NPTX1: variants seen among roughly 807,000 people sequenced by gnomAD.
The protein encoded by NPTX1 is neuronal pentraxin-1.
In NPTX1, 12 loss-of-function variants were observed where a neutral mutation model predicts 38.7. The observed-to-expected ratio is 0.31, with a 90% CI of 0.20 to 0.50. The LOEUF (loss-of-function observed/expected upper bound fraction) is 0.50, where lower values mean the gene tolerates loss of function less well. Among genes scored for constraint, NPTX1 ranks in the 20% least tolerant of loss-of-function variants. The probability of loss-of-function intolerance (pLI) is 0.98; values close to 1 mark genes in which losing one functional copy is unlikely to be tolerated. For missense variants in NPTX1, 454 were observed against 592.2 expected, an observed-to-expected ratio of 0.77 and a Z score of 2.42; for synonymous variants, 272 against 264.9, an observed-to-expected ratio of 1.03 and a Z score of -0.26.
intron 3 of NPTX1, among the ~76,000 whole-genome samples, chr17:80,472,422 C>T (rs2083847445): frequency 6.6e-6 from 1 of 152,218 alleles, no homozygotes; most frequent in Non-Finnish European, 1.5e-5. Context: ...TTTTAAAGCT[C>T]AGACCAGCCT....
intron 3 of NPTX1, among the ~76,000 whole-genome samples, chr17:80,472,877 A>C (rs2083849861): frequency 6.6e-6 from 1 of 152,188 alleles, no homozygotes; most frequent in African/African-American, 2.4e-5. Context: ...GGGCAAAGCC[A>C]GTTCCAAGGC....
intron 2 of NPTX1, chr17:80,474,492 CA>C (rs35943506): frequency 0.11 from 16,676 of 152,542 alleles, 1,199 homozygotes; most frequent in East Asian, 0.28. Context: ...GCCCGGTCAG[CA>C]ACCACCCCCT....
chr17:80,470,329 C>T lies in NPTX1; in HGVS notation c.*484G>A, dbSNP rs1490977617. On this transcript the variant is annotated 3_prime_UTR_variant, in exon 5 of 5. Coordinates refer to ENST00000306773, the MANE Select transcript of NPTX1 (RefSeq NM_002522.4). ...AAAGGTTTGCAAACAAAGACAAATG[C>T]GTGTACTGAGGTTGCACCAACCCCA... is the stretch of plus-strand genomic sequence containing the variant. The T allele has an allele frequency of 6.5e-6, 1 of 153,018 alleles. No homozygotes were observed. 9.5% of individuals were successfully genotyped at this position (153,018 alleles called of 1,614,324 possible).
rs2143044344 is a variant in NPTX1, at chr17:80,473,272, C to T, written c.825G>A (p.Val275=). 6.2e-7 allele frequency: 1 copy of T among 1,613,880 alleles called. No homozygotes were observed. The highest frequency in any genetic ancestry group is 2.2e-5 in the East Asian group (1 of 44,880). The change falls in exon 3 of 5, where the codon GTG becomes GTA. Residue 275 remains valine (V), a synonymous_variant. Transcript: ENST00000306773. ...GGACCAGCTCGTTGGCCTGGCCGGG[C>T]ACAGCGTAGGAGAAGGGCGTGCCCA... ...PGVGTPFSYA[V]PGQANELVLI... is the part of the protein sequence containing the mutation.
rs113144778 is a variant in NPTX1 at position 80,471,167 on chromosome 17, C to T, written c.1078-133G>A. ...TCACGGACACTCCTAGGTGCCGTTT[C>T]GTCTCCCTGTCCCTGACTCTCCAGC... On this transcript the variant is annotated intron_variant, in intron 4 of 4. Coordinates refer to ENST00000306773, the MANE Select transcript of NPTX1 (RefSeq NM_002522.4). 3.0e-3 allele frequency: 2,040 copies of T among 669,030 alleles called. 36 individuals carry two copies. The African/African-American group carries it at 0.033, about 11-fold the overall frequency. 41.4% of individuals were successfully genotyped at this position (669,030 alleles called of 1,614,324 possible).
Position 80,476,273 on chromosome 17 carries a change from C to T in NPTX1, c.174G>A (p.Val58=). ...GCAGCACCGTCTCGCGGAGCTGCAGCACGCTGCTCCGGAGCTCCTCGGCGC... is the reference window on the plus strand; with the variant it reads ...GCAGCACCGTCTCGCGGAGCTGCAGTACGCTGCTCCGGAGCTCCTCGGCGC... ...AGGAEELRSS[V]LQLRETVLQQ... The change falls in exon 1 of 5, where the codon GTG becomes GTA. Residue 58 remains valine, a synonymous_variant. Transcript: ENST00000306773. This position sits in a 1 kb window ranked among gnomAD's most constrained non-coding sequence, Gnocchi z 6.3. 1 of 1,555,648 alleles carries T rather than the reference C, an allele frequency of 6.4e-7. No homozygotes were observed.
rs1957800723 is a variant in NPTX1 at position 80,476,338 on chromosome 17, C to T, written c.109G>A (p.Val37Met). Reference sequence around the variant, plus strand: ...GACGCGGCGCACATGTCGGCGTCCACGGGCACCGAGGTGCAGATGAAGCGC... The same window carrying T: ...GACGCGGCGCACATGTCGGCGTCCATGGGCACCGAGGTGCAGATGAAGCGC... ...PTRFICTSVP[V>M]DADMCAASVA... is the part of the protein sequence containing the mutation. Residue 37 changes from valine (V) to methionine (M), a missense_variant, in exon 1 of 5, where the codon GTG becomes ATG. Coordinates refer to ENST00000306773, the MANE Select transcript of NPTX1 (RefSeq NM_002522.4). This position sits in a 1 kb window ranked among gnomAD's most constrained non-coding sequence, Gnocchi z 6.3. 10 of 1,538,902 alleles carry T rather than the reference C, an allele frequency of 6.5e-6. No homozygotes were observed. The highest frequency in any genetic ancestry group is 7.8e-6 in the Non-Finnish European group (9 of 1,148,632).
rs564184523 is a variant in NPTX1 at position 80,467,552 on chromosome 17, A to G, written c.*3261T>C. The stretch of plus-strand genomic sequence containing the variant: ...CCCCTCTTTGGAGCTCACTGGAATG[A>G]CTGAACCTCATGCCAGCCTCTCCTC... On this transcript the variant is annotated 3_prime_UTR_variant, in exon 5 of 5. Transcript: ENST00000306773. 52 of 152,602 alleles carry G rather than the reference A, an allele frequency of 3.4e-4. No homozygotes were observed. Among genetic ancestry groups the G allele is most frequent in the African/African-American group, 1.1e-3 (47 of 41,550 alleles). 9.5% of individuals were successfully genotyped at this position (152,602 alleles called of 1,614,324 possible).
intron 4 of NPTX1, 119 bp from the exon 5 acceptor site, chr17:80,471,153 C>T: frequency 1.4e-6 from 1 of 715,160 alleles, no homozygotes; most frequent in East Asian, 2.8e-5. Flanking sequence ...CACGGACACT[C>T]CTAGGTGCCG....
rs2083872948 is a variant in NPTX1, at chr17:80,475,363, G to A, written c.652+148C>T. The A allele has an allele frequency of 3.2e-6, 2 of 624,638 alleles. No homozygotes were observed. The highest frequency in any genetic ancestry group is 4.1e-5 in the South Asian group (2 of 48,550). The allele number at this position is 624,638 out of a possible 1,614,324, so 38.7% of individuals were successfully genotyped here. A position where few individuals can be genotyped will look rare whatever the true frequency, so the allele number is the denominator to read the frequency against. ...AAGCCCAGAACCTGGGAAGGGGTGC[G>A]GGGAATGAGAAAGCGGTGCAGGGGT... On this transcript the variant is annotated intron_variant, in intron 2 of 4. Transcript: ENST00000306773. This position sits in a 1 kb window ranked among gnomAD's most constrained non-coding sequence, Gnocchi z 6.5.
At chr17:80,474,262 G>C (rs1246450973) in intron 2 of NPTX1, 1 of 152,274 alleles carries the variant, frequency 6.6e-6, no homozygotes, top group African/African-American at 2.4e-5. Flanking sequence ...TCTCCCGTAA[G>C]CGCCAACCCC....
At position 80,476,339 on chromosome 17, in the gene NPTX1, G is replaced by C. The variant is rs199761592; in HGVS notation, c.108C>G (p.Pro36=). The C allele has an allele frequency of 4.2e-4, 639 of 1,537,906 alleles. 4 individuals are homozygous for C. The African/African-American group carries it at 7.9e-3, about 19-fold the overall frequency. Residue 36 remains proline (P), a synonymous_variant, in exon 1 of 5, where the codon CCC becomes CCG. Coordinates refer to ENST00000306773, the MANE Select transcript of NPTX1 (RefSeq NM_002522.4). The surrounding 1 kb of genome is among the most constrained non-coding windows in gnomAD (Gnocchi z 6.3). ...GPTRFICTSV[P]VDADMCAASV... ...ACGCGGCGCACATGTCGGCGTCCAC[G>C]GGCACCGAGGTGCAGATGAAGCGCG... is the stretch of plus-strand genomic sequence containing the variant.
In NPTX1 at chr17:80,471,413, T is replaced by A. The variant is rs1273464511; in HGVS notation, c.1077+319A>T. On this transcript the variant is annotated intron_variant, in intron 4 of 4. Coordinates refer to ENST00000306773, the MANE Select transcript of NPTX1 (RefSeq NM_002522.4). ...ACAGACGTCCCCGATTCTCCATCCCTTCGTCTTCCTCCCAGGTGCCCAACA... is the reference window on the plus strand; with the variant it reads ...ACAGACGTCCCCGATTCTCCATCCCATCGTCTTCCTCCCAGGTGCCCAACA... Among the ~76,000 whole-genome samples the A allele has an allele frequency of 2.0e-5, 3 of 152,214 alleles. No individual in the cohort carries two copies. The East Asian group carries it at 5.8e-4, about 29-fold the overall frequency.
At chr17:80,472,330 A>G (rs2083846996) in intron 3 of NPTX1, among the ~76,000 whole-genome samples, 1 of 152,072 alleles carries the variant, frequency 6.6e-6, no homozygotes. Flanking sequence ...CCGATGTCCC[A>G]TCTCTAGCTG....
intron 2 of NPTX1, 163 bp from the exon 3 acceptor site, chr17:80,473,607 C>G: frequency 1.5e-6 from 1 of 689,442 alleles, no homozygotes. Flanking sequence ...GTACTTTGCC[C>G]CAAGGCACAG....
Position 80,470,574 on chromosome 17 carries a change from A to C in NPTX1, c.*239T>G. 1.4e-5 allele frequency: 6 copies of C among 419,886 alleles called. No homozygotes were observed. The highest frequency in any genetic ancestry group is 8.0e-5 in the East Asian group (2 of 25,140). The allele number at this position is 419,886 out of a possible 1,614,324, so 26.0% of individuals were successfully genotyped here. A position where few individuals can be genotyped will look rare whatever the true frequency, so the allele number is the denominator to read the frequency against. On this transcript the variant is annotated 3_prime_UTR_variant, in exon 5 of 5. Coordinates refer to ENST00000306773, the MANE Select transcript of NPTX1 (RefSeq NM_002522.4). ...GTTGCAGCACCCACTTCAGCTGTGA[A>C]TGGGGCATGCCTGAGAGAGTCCGGG... is the stretch of plus-strand genomic sequence containing the variant.
rs2083872484 is a variant in NPTX1 at position 80,475,304 on chromosome 17, C to T, written c.652+207G>A. On this transcript the variant is annotated intron_variant, in intron 2 of 4. Coordinates refer to ENST00000306773, the MANE Select transcript of NPTX1 (RefSeq NM_002522.4). This position sits in a 1 kb window ranked among gnomAD's most constrained non-coding sequence, Gnocchi z 6.5. ...CCCTTTCCCAGAGACAGCCCCAGCC[C>T]AAGGCACCCAGCCCTGATAGAAACA... Among the ~76,000 whole-genome samples the T allele has an allele frequency of 6.6e-6, 1 of 152,154 alleles. No homozygotes were observed. Among genetic ancestry groups the T allele is most frequent in the African/African-American group, 2.4e-5 (1 of 41,422 alleles).
chr17:80,471,177 T>G, intron 4 of NPTX1, 143 bp from the exon 5 acceptor site: 1 of 636,358 alleles, frequency 1.6e-6, no homozygotes. Context: ...CGTCTCCCTG[T>G]CCCTGACTCT....
At position 80,475,840 on chromosome 17, in the gene NPTX1, G is replaced by A; in HGVS notation, c.445-122C>T. On this transcript the variant is annotated intron_variant, in intron 1 of 4. Transcript: ENST00000306773. The surrounding 1 kb of genome is among the most constrained non-coding windows in gnomAD (Gnocchi z 6.5). ...GGGCGGCCTGGCAGGGAGCTGGGGC[G>A]AGTGGCCGCCGCGGGGCCTCGCAGG... 1 of 857,346 alleles carries A rather than the reference G, an allele frequency of 1.2e-6. No homozygotes were observed. Among genetic ancestry groups the A allele is most frequent in the Non-Finnish European group, 1.6e-6 (1 of 610,060 alleles). The allele number at this position is 857,346 out of a possible 1,614,324, so 53.1% of individuals were successfully genotyped here.
Sources: gnomAD v4.1 joint callset for allele counts (sites outside exome capture counted in the v4.1 genomes callset) on GRCh38, gnomAD v4.1.1 for gene constraint, Gnocchi (gnomAD v3.1) non-coding constraint, MANE v1.5 for transcripts, NCBI Gene and HGNC (gene_info 2026-07-23, HGNC 2026-07-21) for gene names.